The following ZNF75A variants were observed in gnomAD, a reference collection of about 807,000 sequenced individuals.
The protein encoded by ZNF75A is zinc finger protein 75A.
ZNF75A carries 36 observed loss-of-function variants against 46.3 expected under a neutral mutation model. That is an observed-to-expected ratio of 0.78 (90% CI 0.60 to 1.03). The LOEUF is 1.03. Among genes scored for constraint, ZNF75A ranks in the 50% least tolerant of loss-of-function variants. The pLI is 0.00. For missense variants in ZNF75A, 595 were observed against 551.3 expected (o/e 1.08, Z -0.79); for synonymous variants, 234 against 189.9 (o/e 1.23, Z -1.91).
intron 1 of ZNF75A, chr16:3,307,325 T>A (rs1265314159): frequency 6.6e-6 from 1 of 152,236 alleles, no homozygotes; most frequent in Non-Finnish European, 1.5e-5. Context: ...TAAGGTATCA[T>A]AGCTATGTAT....
chr16:3,314,732 A>G (rs986860074), intron 5 of ZNF75A: 3 of 985,270 alleles, frequency 3.0e-6, no homozygotes, highest in Admixed American at 6.1e-5. Flanking sequence ...GCTGAAGTCC[A>G]TTCTCTTCTT....
intron 1 of ZNF75A, chr16:3,307,891 T>TACTC (rs1203142507): frequency 6.6e-6 from 1 of 152,158 alleles, no homozygotes; most frequent in African/African-American, 2.4e-5. Flanking sequence ...ATAAAAGTTG[T>TACTC]ACTCCCCTTA....
chr16:3,308,124 A>G (rs1202183808), intron 1 of ZNF75A, 189 bp from the exon 2 acceptor site: 2 of 152,172 alleles, frequency 1.3e-5, no homozygotes, highest in African/African-American at 4.8e-5. Context: ...ACAGTTGTCC[A>G]CTGACATTTG....
chr16:3,315,509 T>C (rs1961144736), intron 5 of ZNF75A, among the ~76,000 whole-genome samples: 1 of 152,142 alleles, frequency 6.6e-6, no homozygotes, highest in African/African-American at 2.4e-5. Context: ...CTGTCATCTT[T>C]TACCCTGATC....
rs1961411967 is a variant in ZNF75A, at chr16:3,318,807, AG to A, written c.*939del. On this transcript the variant is annotated 3_prime_UTR_variant, in exon 7 of 7. Transcript: ENST00000669516. ...ATTTGGCATGGAGACCTGGACATGT[AG>A]TCAGCAGGAGACGGTTCCCTAAATA... The A allele has an allele frequency of 1.0e-6, 1 of 985,350 alleles. No homozygotes were observed. Among genetic ancestry groups the A allele is most frequent in the Non-Finnish European group, 1.2e-6 (1 of 829,962 alleles). The allele number at this position is 985,350 out of a possible 1,614,324, so 61.0% of individuals were successfully genotyped here.
intron 1 of ZNF75A, chr16:3,307,126 G>C (rs766554368): frequency 6.6e-6 from 1 of 151,066 alleles, no homozygotes; most frequent in Non-Finnish European, 1.5e-5. Flanking sequence ...TAATTTTTGT[G>C]TTTACAATAA....
chr16:3,308,363 A>G lies in ZNF75A; in HGVS notation c.-66A>G. 5 of 957,600 alleles carry G rather than the reference A, an allele frequency of 5.2e-6. No homozygotes were observed. Among genetic ancestry groups the G allele is most frequent in the Non-Finnish European group, 6.2e-6 (5 of 804,168 alleles). The allele number at this position is 957,600 out of a possible 1,614,324, so 59.3% of individuals were successfully genotyped here. ...TTGCTTTTGTACAAGACCAGACAGG[A>G]TCTCATTTGTTAAACGTGGTACCAA... On this transcript the variant is annotated 5_prime_UTR_variant, in exon 2 of 7. Coordinates refer to ENST00000669516, the MANE Select transcript of ZNF75A (RefSeq NM_001302109.2).
chr16:3,308,902 G>A lies in ZNF75A; in HGVS notation c.408+66G>A, dbSNP rs981045592. On this transcript the variant is annotated intron_variant, in intron 2 of 6. Transcript: ENST00000669516. ...GCAGGTGGATATAGTAGAGATGGTG[G>A]CAGTTAGTTGAGAAATTAGATGGAT... The A allele has an allele frequency of 2.4e-5, 23 of 950,384 alleles. No homozygotes were observed. In the African/African-American group the frequency reaches 3.9e-4, roughly 16 times the overall value. 58.9% of individuals were successfully genotyped at this position (950,384 alleles called of 1,614,324 possible).
intron 2 of ZNF75A, 115 bp downstream of exon 2, chr16:3,308,951 T>C (rs988532069): frequency 4.4e-5 from 29 of 659,726 alleles, no homozygotes; most frequent in Non-Finnish European, 5.3e-5. Flanking sequence ...GTTTGGTTTT[T>C]TTTTTAAGGA....
At chr16:3,319,875 G>C (rs1177156527), downstream of ZNF75A, among the ~76,000 whole-genome samples, 1 of 151,374 alleles carries the variant, frequency 6.6e-6, no homozygotes, top group African/African-American at 2.4e-5. Flanking sequence ...CATACAGAGA[G>C]AGCAGCCATG....
At chr16:3,313,665 C>T (rs1567270419) in intron 5 of ZNF75A, among the ~76,000 whole-genome samples, 2 of 152,218 alleles carry the variant, frequency 1.3e-5, no homozygotes, top group South Asian at 2.1e-4. Flanking sequence ...TTAACAGGTG[C>T]GCCTGCATCT....
intron 2 of ZNF75A, among the ~76,000 whole-genome samples, chr16:3,309,790 A>T (rs1319786218): frequency 6.6e-6 from 1 of 151,752 alleles, no homozygotes. Context: ...AGGAGAACAC[A>T]GGAAAACAAG....
At chr16:3,311,390 A>G (rs986831629) in intron 2 of ZNF75A, among the ~76,000 whole-genome samples, 3 of 151,392 alleles carry the variant, frequency 2.0e-5, no homozygotes, top group African/African-American at 7.3e-5. Flanking sequence ...GTGAGCCGAG[A>G]TTATGCCTTT....
Position 3,308,374 on chromosome 16 carries a change from T to TA in ZNF75A, c.-52dup, listed in dbSNP as rs912025201. ...CAAGACCAGACAGGATCTCATTTGT[T>TA]AAACGTGGTACCAATTGGGTGTCTT... On this transcript the variant is annotated 5_prime_UTR_variant, in exon 2 of 7. Coordinates refer to ENST00000669516, the MANE Select transcript of ZNF75A (RefSeq NM_001302109.2). The TA allele has an allele frequency of 2.0e-6, 2 of 978,016 alleles. No homozygotes were observed. Among genetic ancestry groups the TA allele is most frequent in the African/African-American group, 3.5e-5 (2 of 57,176 alleles). 60.6% of individuals were successfully genotyped at this position (978,016 alleles called of 1,614,324 possible).
At chr16:3,314,135 G>A (rs1414109898) in intron 5 of ZNF75A, among the ~76,000 whole-genome samples, 2 of 151,944 alleles carry the variant, frequency 1.3e-5, no homozygotes, top group East Asian at 3.9e-4. Flanking sequence ...CCGGTTCTAG[G>A]GGCTGGTAGA....
In ZNF75A at chr16:3,315,744, A is replaced by G. The variant is rs527890320; in HGVS notation, c.824-1168A>G. Among the ~76,000 whole-genome samples the G allele has an allele frequency of 1.9e-4, 29 of 152,286 alleles. No individual in the cohort carries two copies. In the South Asian group the frequency reaches 6.0e-3, roughly 32 times the overall value. On this transcript the variant is annotated intron_variant, in intron 5 of 6. Transcript: ENST00000669516. Reference sequence around the variant, plus strand: ...ACACAGAACCCCAACTGATTTTTTGAAAACCTGATCAGATCGTTGCATTTC... The same window carrying G: ...ACACAGAACCCCAACTGATTTTTTGGAAACCTGATCAGATCGTTGCATTTC...
At chr16:3,319,158 G>A (rs1180268030), downstream of ZNF75A, among the ~76,000 whole-genome samples, 1 of 152,030 alleles carries the variant, frequency 6.6e-6, no homozygotes, top group African/African-American at 2.4e-5. Context: ...TTGTCACTCA[G>A]GCTGGAGTGC....
At chr16:3,321,076 T>G (rs1184551476), downstream of ZNF75A, among the ~76,000 whole-genome samples, 1 of 152,120 alleles carries the variant, frequency 6.6e-6, no homozygotes, top group Non-Finnish European at 1.5e-5. Context: ...TTCTGTAGCT[T>G]GAGATGAGAT....
At position 3,318,772 on chromosome 16, in the gene ZNF75A, C is replaced by T. The variant is rs928070758; in HGVS notation, c.*903C>T. 1.0e-6 allele frequency: 1 copy of T among 985,294 alleles called. No individual in the cohort carries two copies. Among genetic ancestry groups the T allele is most frequent in the Non-Finnish European group, 1.2e-6 (1 of 829,944 alleles). 61.0% of individuals were successfully genotyped at this position (985,294 alleles called of 1,614,324 possible). A position where few individuals can be genotyped will look rare whatever the true frequency, so the allele number is the denominator to read the frequency against. On this transcript the variant is annotated 3_prime_UTR_variant, in exon 7 of 7. Coordinates refer to ENST00000669516, the MANE Select transcript of ZNF75A (RefSeq NM_001302109.2). ...GGAGTGTGTGTGCTGCAGGCAGGAT[C>T]CTGTGGCTCATTTGGCATGGAGACC... is the stretch of plus-strand genomic sequence containing the variant.
Sources: gnomAD v4.1 joint callset for allele counts (sites outside exome capture counted in the v4.1 genomes callset) on GRCh38, gnomAD v4.1.1 for gene constraint, MANE v1.5 for transcripts, NCBI Gene and HGNC (gene_info 2026-07-23, HGNC 2026-07-21) for gene names.